Variants in PPP1R9B observed in about 807,000 individuals in gnomAD.
PPP1R9B encodes the protein protein phosphatase 1 regulatory subunit 9B.
In PPP1R9B, 17 loss-of-function variants were observed where a neutral mutation model predicts 75.8. The ratio of observed to expected loss-of-function variants is 0.22; its 90% CI spans 0.15 to 0.34. The LOEUF (loss-of-function observed/expected upper bound fraction) is 0.34. PPP1R9B is among the 10% of genes least tolerant of loss of function. The pLI, the probability that PPP1R9B is intolerant of heterozygous loss-of-function variation, is 1.00. For synonymous variants in PPP1R9B, 509 were observed against 535.4 expected, an observed-to-expected ratio of 0.95 and a Z score of 0.68; for missense variants, 875 against 1,196.0, an observed-to-expected ratio of 0.73 and a Z score of 3.96.
At chr17:50,140,019 G>A in intron 5 of PPP1R9B, 74 bp downstream of exon 5, 1 of 1,518,512 alleles carries the variant, frequency 6.6e-7, no homozygotes, top group Non-Finnish European at 9.0e-7. Context: ...GGAAGCAGTA[G>A]AGGCAGATGA....
In PPP1R9B at chr17:50,150,261, G is replaced by A. The variant is rs367543205; in HGVS notation, c.253C>T (p.Arg85Trp). Residue 85 changes from arginine to tryptophan, a missense_variant, in exon 1 of 10, where the codon CGG (arginine) becomes TGG (tryptophan). Physicochemically the swap from Arg to Trp is moderately radical, Grantham distance 101. This residue lies in a region of PPP1R9B where 145 missense variants were observed against 226.1 expected (regional missense o/e 0.64). Transcript: ENST00000612501. This position sits in a 1 kb window ranked among gnomAD's most constrained non-coding sequence, Gnocchi z 8.7. The part of the protein sequence containing the change: ...GGGAGLAEAP[R>W]ASERGVRLSL... ...AGGCGCACGCCGCGCTCGGACGCCC[G>A]TGGGGCCTCGGCCAGGCCCGCGCCG... 2.8e-6 allele frequency: 4 copies of A among 1,445,908 alleles called. No homozygotes were observed. The highest frequency in any genetic ancestry group is 3.0e-5 in the African/African-American group (2 of 67,228). 89.6% of individuals were successfully genotyped at this position (1,445,908 alleles called of 1,614,324 possible).
At chr17:50,138,216 G>A (rs1262372997) in intron 7 of PPP1R9B, among the ~76,000 whole-genome samples, 1 of 151,792 alleles carries the variant, frequency 6.6e-6, no homozygotes, top group East Asian at 1.9e-4. Flanking sequence ...TCCATCTGGG[G>A]TCGGCATCAG....
intron 4 of PPP1R9B, among the ~76,000 whole-genome samples, chr17:50,140,917 T>C (rs1213216290): frequency 6.6e-6 from 1 of 152,040 alleles, no homozygotes; most frequent in East Asian, 1.9e-4. Flanking sequence ...GAGGTCCCAA[T>C]GAGGGGACCC....
At position 50,135,388 on chromosome 17, in the gene PPP1R9B, G is replaced by A; in HGVS notation, c.2401-4C>T. ...AGTTTCCTTCCAGTTCTGAGATCTG[G>A]AAAACAAAGGAGGGTAGGGGGTCAG... On this transcript the variant is annotated splice_polypyrimidine_tract_variant and splice_region_variant and intron_variant, in intron 9 of 9. Transcript: ENST00000612501. The A allele has an allele frequency of 6.2e-7, 1 of 1,613,556 alleles. No homozygotes were observed. The highest frequency in any genetic ancestry group is 8.5e-7 in the Non-Finnish European group (1 of 1,179,632).
chr17:50,146,184 C>T (rs1218774632), intron 1 of PPP1R9B: 4 of 152,470 alleles, frequency 2.6e-5, no homozygotes, highest in African/African-American at 9.6e-5. Context: ...TCAGCTCTGA[C>T]TCCCTCAGAA....
In PPP1R9B at chr17:50,139,170, A is replaced by G; in HGVS notation, c.2073+93T>C. 2 of 1,404,626 alleles carry G rather than the reference A, an allele frequency of 1.4e-6. No homozygotes were observed. The highest frequency in any genetic ancestry group is 2.3e-5 in the East Asian group (1 of 43,880). The allele number at this position is 1,404,626 out of a possible 1,614,324, so 87.0% of individuals were successfully genotyped here. Reference sequence around the variant, plus strand: ...GCTTGTTCTGTGGGTACCTGTGCCTAAGTGTCAGCATGTGCAGGTGTGAGG... The same window carrying G: ...GCTTGTTCTGTGGGTACCTGTGCCTGAGTGTCAGCATGTGCAGGTGTGAGG... On this transcript the variant is annotated intron_variant, in intron 7 of 9. Transcript: ENST00000612501. This position sits in a 1 kb window ranked among gnomAD's most constrained non-coding sequence, Gnocchi z 5.0.
chr17:50,139,532 G>A lies in PPP1R9B; in HGVS notation c.1916C>T (p.Pro639Leu), dbSNP rs367543185. The change falls in exon 6 of 10, where the codon CCG becomes CTG. Residue 639 changes from proline to leucine, a missense_variant. By Grantham distance (98) the Pro-to-Leu change is moderately conservative. Coordinates refer to ENST00000612501, the MANE Select transcript of PPP1R9B (RefSeq NM_032595.5). This position sits in a 1 kb window ranked among gnomAD's most constrained non-coding sequence, Gnocchi z 5.0. ...DEDEELSPTF[P>L]GGEMAIEVFE... ...CACCTCGATGGCCATCTCACCACCC[G>A]GGAACGTGGGGCTCAGCTCCTCATC... The A allele has an allele frequency of 6.3e-6, 10 of 1,593,358 alleles. No individual in the cohort carries two copies. Among genetic ancestry groups the A allele is most frequent in the African/African-American group, 4.0e-5 (3 of 74,552 alleles).
In PPP1R9B at chr17:50,142,716, T is replaced by A. The variant is rs1912417438; in HGVS notation, c.1625+882A>T. On this transcript the variant is annotated intron_variant, in intron 3 of 9. Transcript: ENST00000612501. The surrounding 1 kb of genome is among the most constrained non-coding windows in gnomAD (Gnocchi z 4.1). ...TTCCTACTGCCACTCCCCACACCCC[T>A]GGAATACACAGCTAACACAGGGGTC... Among the ~76,000 whole-genome samples the A allele has an allele frequency of 6.6e-6, 1 of 152,082 alleles. No homozygotes were observed. Among genetic ancestry groups the A allele is most frequent in the South Asian group, 2.1e-4 (1 of 4,826 alleles).
intron 1 of PPP1R9B, 63 bp from the exon 2 acceptor site, chr17:50,145,308 G>A: frequency 1.2e-6 from 2 of 1,600,484 alleles, no homozygotes; most frequent in East Asian, 2.2e-5. Flanking sequence ...CTGGCATGAG[G>A]AGGCCGAGGA....
intron 1 of PPP1R9B, chr17:50,146,200 GAGA>G (rs1256184904): frequency 6.6e-6 from 1 of 152,500 alleles, no homozygotes; most frequent in Non-Finnish European, 1.5e-5. Context: ...CAGAAGGACA[GAGA>G]AGGTGGGGCT....
chr17:50,140,102 A>C lies in PPP1R9B; in HGVS notation c.1857T>G (p.Asp619Glu). ...GGCAGGGACTCCCTACCTCCTCGTC[A>C]TCCTCCCCATACTGGGCGTATCTCT... ...MEQRYAQYGE[D>E]DEETGEYATD... Residue 619 changes from aspartate (D) to glutamate (E), a missense_variant, in exon 5 of 10, where the codon GAT (aspartate) becomes GAG (glutamate). Coordinates refer to ENST00000612501, the MANE Select transcript of PPP1R9B (RefSeq NM_032595.5). 6.2e-7 allele frequency: 1 copy of C among 1,613,372 alleles called. No individual in the cohort carries two copies. Among genetic ancestry groups the C allele is most frequent in the Non-Finnish European group, 8.5e-7 (1 of 1,179,662 alleles).
At chr17:50,145,747 G>C (rs1195087562) in intron 1 of PPP1R9B, among the ~76,000 whole-genome samples, 1 of 151,820 alleles carries the variant, frequency 6.6e-6, no homozygotes, top group Non-Finnish European at 1.5e-5. Context: ...GGGGGAGCGG[G>C]TGTGAGACAG....
Position 50,135,624 on chromosome 17 carries a change from TCTC to T in PPP1R9B, c.2326_2328del (p.Glu776del). On this transcript the variant is annotated inframe_deletion, in exon 9 of 10. Coordinates refer to ENST00000612501, the MANE Select transcript of PPP1R9B (RefSeq NM_032595.5). ...TCCTCCAGAACCCGACGCTGTGCAG[TCTC>T]CTTTTTCAGGAACTCGATCTCCCTG... The T allele has an allele frequency of 6.2e-7, 1 of 1,609,674 alleles. No individual in the cohort carries two copies. The highest frequency in any genetic ancestry group is 8.5e-7 in the Non-Finnish European group (1 of 1,178,030).
Position 50,139,590 on chromosome 17 carries a change from G to A in PPP1R9B, c.1867-9C>T. ...GTGGCATACTCTCCCGTCTGCGAAG[G>A]GAGACCGGAGACTGTGGGCCCACCC... On this transcript the variant is annotated splice_polypyrimidine_tract_variant and intron_variant, in intron 5 of 9. Transcript: ENST00000612501. This position sits in a 1 kb window ranked among gnomAD's most constrained non-coding sequence, Gnocchi z 5.0. 1.3e-6 allele frequency: 2 copies of A among 1,531,044 alleles called. No individual in the cohort carries two copies. Among genetic ancestry groups the A allele is most frequent in the Non-Finnish European group, 1.8e-6 (2 of 1,138,580 alleles). 94.8% of individuals were successfully genotyped at this position (1,531,044 alleles called of 1,614,324 possible).
At chr17:50,148,260 G>C (rs1345921667) in intron 1 of PPP1R9B, among the ~76,000 whole-genome samples, 1 of 152,234 alleles carries the variant, frequency 6.6e-6, no homozygotes, top group Non-Finnish European at 1.5e-5. Context: ...CCCCAAAAGG[G>C]GCAGCTCCCA....
chr17:50,150,157 C>G lies in PPP1R9B; in HGVS notation c.357G>C (p.Glu119Asp). ...ALLKLGTSVS[E>D]RVSRFDSKPA... is the part of the protein sequence containing the mutation. ...GCTTGGAGTCGAAGCGGCTCACGCGCTCCGACACGCTGGTGCCCAGCTTCA... is the reference window on the plus strand; with the variant it reads ...GCTTGGAGTCGAAGCGGCTCACGCGGTCCGACACGCTGGTGCCCAGCTTCA... The change falls in exon 1 of 10, where the codon GAG becomes GAC. Residue 119 changes from glutamate (E) to aspartate (D), a missense_variant. By Grantham distance (45) the Glu-to-Asp change is conservative (BLOSUM62 2). Transcript: ENST00000612501. The surrounding 1 kb of genome is among the most constrained non-coding windows in gnomAD (Gnocchi z 8.7). The G allele has an allele frequency of 6.9e-7, 1 of 1,447,726 alleles. No individual in the cohort carries two copies. Among genetic ancestry groups the G allele is most frequent in the South Asian group, 1.3e-5 (1 of 74,578 alleles). 89.7% of individuals were successfully genotyped at this position (1,447,726 alleles called of 1,614,324 possible).
chr17:50,136,478 A>G lies in PPP1R9B; in HGVS notation c.2074-281T>C, dbSNP rs138068664. Among the ~76,000 whole-genome samples, 5 of 152,262 alleles carry G rather than the reference A, an allele frequency of 3.3e-5. No homozygotes were observed. The East Asian group carries it at 9.6e-4, about 29-fold the overall frequency. On this transcript the variant is annotated intron_variant, in intron 7 of 9. Coordinates refer to ENST00000612501, the MANE Select transcript of PPP1R9B (RefSeq NM_032595.5). ...GTCACTGATACTCTGACTTGGCGCAATGCAACTAATGTCCCAAGCCTCAGT... is the reference window on the plus strand; with the variant it reads ...GTCACTGATACTCTGACTTGGCGCAGTGCAACTAATGTCCCAAGCCTCAGT...
At position 50,139,124 on chromosome 17, in the gene PPP1R9B, A is replaced by G. The variant is rs1420919390; in HGVS notation, c.2073+139T>C. On this transcript the variant is annotated intron_variant, in intron 7 of 9. Transcript: ENST00000612501. This position sits in a 1 kb window ranked among gnomAD's most constrained non-coding sequence, Gnocchi z 5.0. ...TTAAGCTCTTAATATCGTATCTATCATATCATCTTGCTTTAGAGCAGCTTG... is the reference window on the plus strand; with the variant it reads ...TTAAGCTCTTAATATCGTATCTATCGTATCATCTTGCTTTAGAGCAGCTTG... 4.4e-6 allele frequency: 4 copies of G among 912,820 alleles called. No homozygotes were observed. The highest frequency in any genetic ancestry group is 5.4e-6 in the Non-Finnish European group (3 of 557,750). 56.5% of individuals were successfully genotyped at this position (912,820 alleles called of 1,614,324 possible).
rs568536490 is a variant in PPP1R9B, at chr17:50,135,098, T to C, written c.*233A>G. ...CCTCGGCCTCTGTGCCTCAGCCCCA[T>C]GGGGCAAGAAAGAGGCTGCCCTTCT... On this transcript the variant is annotated 3_prime_UTR_variant, in exon 10 of 10. Coordinates refer to ENST00000612501, the MANE Select transcript of PPP1R9B (RefSeq NM_032595.5). 2 of 572,322 alleles carry C rather than the reference T, an allele frequency of 3.5e-6. No individual in the cohort carries two copies. The highest frequency in any genetic ancestry group is 6.3e-6 in the Non-Finnish European group (2 of 319,524). The allele number at this position is 572,322 out of a possible 1,614,324, so 35.5% of individuals were successfully genotyped here. A position where few individuals can be genotyped will look rare whatever the true frequency, so the allele number is the denominator to read the frequency against.
Sources: allele counts gnomAD v4.1 joint callset (sites outside exome capture counted in the v4.1 genomes callset), GRCh38; gene constraint gnomAD v4.1.1; regional missense constraint gnomAD v4.1.1; non-coding constraint Gnocchi (gnomAD v3.1); transcripts MANE v1.5; gene names NCBI Gene and HGNC (gene_info 2026-07-23, HGNC 2026-07-21).